Variants in COBLL1 observed in about 807,000 individuals in gnomAD.
COBLL1 encodes cordon-bleu WH2 repeat protein like 1.
Under a neutral mutation model 94.8 loss-of-function variants are expected in COBLL1, and 50 were observed. The observed-to-expected ratio is 0.53, with a 90% CI of 0.42 to 0.67. The LOEUF is 0.67. COBLL1 is among the 30% of genes least tolerant of loss of function. COBLL1 has a pLI of 0.00. For synonymous variants in COBLL1, 448 were observed against 473.8 expected, an observed-to-expected ratio of 0.95 and a Z score of 0.71; for missense variants, 1,362 against 1,348.7, an observed-to-expected ratio of 1.01 and a Z score of -0.15.
chr2:164,724,544 T>C (rs1015294638), intron 5 of COBLL1: 5 of 152,080 alleles, frequency 3.3e-5, no homozygotes, highest in East Asian at 1.9e-4. Context: ...TTCTAAAAGG[T>C]TGGAAAAACA....
chr2:164,768,626 C>T (rs1688052724), intron 2 of COBLL1, among the ~76,000 whole-genome samples: 1 of 152,064 alleles, frequency 6.6e-6, no homozygotes, highest in Admixed American at 6.6e-5. Flanking sequence ...CCAGAACCAT[C>T]TTATGTCTAT....
intron 9 of COBLL1, among the ~76,000 whole-genome samples, chr2:164,704,081 T>C (rs1684456597): frequency 6.6e-6 from 1 of 152,186 alleles, no homozygotes; most frequent in Non-Finnish European, 1.5e-5. Context: ...GCTTACACTT[T>C]CCTGTAAGTT....
Position 164,680,271 on chromosome 2 carries a change from C to G in COBLL1, c.*5675G>C, listed in dbSNP as rs1322235243. On this transcript the variant is annotated 3_prime_UTR_variant, in exon 14 of 14. Transcript: ENST00000652658. ...GTTAAAAATCATGTACAATATAACC[C>G]ACATACCCACCACCTAGATTTAACA... 2 of 151,938 alleles carry G rather than the reference C, an allele frequency of 1.3e-5. No homozygotes were observed. The highest frequency in any genetic ancestry group is 2.9e-5 in the Non-Finnish European group (2 of 67,976). 9.4% of individuals were successfully genotyped at this position (151,938 alleles called of 1,614,324 possible).
At chr2:164,737,706 A>G (rs1202556877) in intron 3 of COBLL1, among the ~76,000 whole-genome samples, 2 of 152,106 alleles carry the variant, frequency 1.3e-5, no homozygotes, top group Admixed American at 6.6e-5. Context: ...CTAGATCCAT[A>G]CTGTTGTTAC....
chr2:164,740,854 A>C (rs1397356070), intron 3 of COBLL1, among the ~76,000 whole-genome samples: 1 of 152,150 alleles, frequency 6.6e-6, no homozygotes, highest in Non-Finnish European at 1.5e-5. Flanking sequence ...TATATAAACT[A>C]ACTGGAGAAA....
Position 164,702,572 on chromosome 2 carries a change from A to ATAAT in COBLL1, c.1226-1817_1226-1816insATTA, listed in dbSNP as rs1553469780. On this transcript the variant is annotated intron_variant, in intron 9 of 13. Coordinates refer to ENST00000652658, the MANE Select transcript of COBLL1 (RefSeq NM_001365672.2). Reference sequence around the variant, plus strand: ...GTGAGACTCCTCAAAAAAAAAAAAAAAAAAATAATAATAATAATAATTTGA... The same window carrying ATAAT: ...GTGAGACTCCTCAAAAAAAAAAAAAATAATAAAAATAATAATAATAATAATTTGA... Among the ~76,000 whole-genome samples the ATAAT allele has an allele frequency of 4.4e-3, 639 of 144,484 alleles. 2 individuals are homozygous for ATAAT. The highest frequency in any genetic ancestry group is 0.016 in the African/African-American group (598 of 36,956). The allele number at this position is 144,484 out of a possible 152,430, so 94.8% of individuals were successfully genotyped here.
chr2:164,668,085 TC>T (rs533000272), intron 1 of COBLL1, among the ~76,000 whole-genome samples: 37 of 152,200 alleles, frequency 2.4e-4, no homozygotes, highest in African/African-American at 6.5e-4. Flanking sequence ...TGCCTCAGCC[TC>T]CCAAGTAGCT....
At chr2:164,836,070 T>G (rs1683304997) in intron 2 of COBLL1, among the ~76,000 whole-genome samples, 1 of 152,154 alleles carries the variant, frequency 6.6e-6, no homozygotes, top group Non-Finnish European at 1.5e-5. Context: ...CTCTAACTCA[T>G]GTAGAGGTAA....
At chr2:164,703,372 A>G (rs758487312) in intron 9 of COBLL1, 12 of 593,732 alleles carry the variant, frequency 2.0e-5, no homozygotes, top group Non-Finnish European at 3.3e-5. Flanking sequence ...AAACAAATGA[A>G]GAAAAACAGA....
At chr2:164,837,325 C>G (rs1360999930) in intron 2 of COBLL1, 2 of 310,980 alleles carry the variant, frequency 6.4e-6, no homozygotes, top group Non-Finnish European at 1.3e-5. Context: ...TGTCAGCAAT[C>G]ATGTTGCTTT....
chr2:164,666,039 G>A (rs979833902), intron 1 of COBLL1: 1 of 152,162 alleles, frequency 6.6e-6, no homozygotes, highest in Non-Finnish European at 1.5e-5. Flanking sequence ...TTGAGATGAT[G>A]TGTGATACAT....
chr2:164,834,297 TATATC>T (rs565834278), intron 2 of COBLL1, among the ~76,000 whole-genome samples: 57 of 152,332 alleles, frequency 3.7e-4, no homozygotes, highest in Non-Finnish European at 7.3e-4. Context: ...TCTTCTTAAT[TATATC>T]AGTCATTTTT....
Position 164,728,068 on chromosome 2 carries a change from G to A in COBLL1, c.562C>T (p.Leu188=), listed in dbSNP as rs1685806959. 3 of 1,613,700 alleles carry A rather than the reference G, an allele frequency of 1.9e-6. No individual in the cohort carries two copies. The East Asian group carries it at 6.7e-5, about 36-fold the overall frequency. ...TGCGATTGATAATCTTTCAACAATA[G>A]TGTATGCAACGGATCAAACTCACAT... The part of the protein sequence containing the change: ...SKCEFDPLHT[L]LLKDYQSQEP... The change falls in exon 5 of 14, where the codon CTA becomes TTA. Residue 188 remains leucine (L), a synonymous_variant. Transcript: ENST00000652658.
At chr2:164,658,161 G>A (rs1368260580) in intron 2 of COBLL1, among the ~76,000 whole-genome samples, 4 of 152,118 alleles carry the variant, frequency 2.6e-5, no homozygotes, top group Admixed American at 1.3e-4. Flanking sequence ...TGTAAGCCCC[G>A]TGTTTAAAGA....
intron 2 of COBLL1, among the ~76,000 whole-genome samples, chr2:164,781,894 T>C (rs1688738571): frequency 6.6e-6 from 1 of 152,222 alleles, no homozygotes; most frequent in Admixed American, 6.5e-5. Context: ...TACTGCTTTT[T>C]AGAGAAATTG....
At chr2:164,727,220 G>A (rs1685760953) in intron 5 of COBLL1, 1 of 768,474 alleles carries the variant, frequency 1.3e-6, no homozygotes, top group East Asian at 2.9e-5. Flanking sequence ...ACATCACTGA[G>A]TTGAAAAAGT....
intron 2 of COBLL1, among the ~76,000 whole-genome samples, chr2:164,763,087 AAC>A (rs1199511158): frequency 6.6e-6 from 1 of 152,150 alleles, no homozygotes; most frequent in African/African-American, 2.4e-5. Flanking sequence ...TTCACACAAT[AAC>A]AGAGTTGAGT....
At chr2:164,747,052 T>C (rs950780141) in intron 2 of COBLL1, among the ~76,000 whole-genome samples, 6 of 151,678 alleles carry the variant, frequency 4.0e-5, no homozygotes, top group African/African-American at 1.2e-4. Flanking sequence ...TAGTAGGCAC[T>C]GATACTTGCT....
rs1238118927 is a variant in COBLL1, at chr2:164,694,272, A to G, written c.3120T>C (p.Asp1040=). 1 of 1,612,372 alleles carries G rather than the reference A, an allele frequency of 6.2e-7. No homozygotes were observed. Among genetic ancestry groups the G allele is most frequent in the Non-Finnish European group, 8.5e-7 (1 of 1,179,066 alleles). The stretch of plus-strand genomic sequence containing the variant: ...TTTTTAAAAAGGCTACAGTTACCTT[A>G]TCAGACACACCAAGCTGTGGGATGT... ...FVDIPQLGVS[D]KENNSAHNEQ... The change falls in exon 12 of 14, where the codon GAT becomes GAC. Residue 1040 remains aspartate, a synonymous_variant. Coordinates refer to ENST00000652658, the MANE Select transcript of COBLL1 (RefSeq NM_001365672.2).
Sources: gnomAD v4.1 joint callset for allele counts (sites outside exome capture counted in the v4.1 genomes callset) on GRCh38, gnomAD v4.1.1 for gene constraint, MANE v1.5 for transcripts, NCBI Gene and HGNC (gene_info 2026-07-23, HGNC 2026-07-21) for gene names.